CFAP92: variants seen among roughly 807,000 people sequenced by gnomAD.
CFAP92 encodes the protein cilia and flagella associated protein 92 (putative).
A neutral mutation model predicts 106.3 loss-of-function variants in CFAP92; 86 were observed. The observed-to-expected ratio is 0.81, with a 90% CI of 0.68 to 0.97. CFAP92 has a LOEUF of 0.97. Ranked by LOEUF, CFAP92 falls within the 50% of genes least tolerant of loss-of-function variation. The probability of loss-of-function intolerance (pLI) is 0.00; values close to 1 mark genes in which losing one functional copy is unlikely to be tolerated. For synonymous variants in CFAP92, 477 were observed against 506.4 expected, an observed-to-expected ratio of 0.94 and a Z score of 0.78; for missense variants, 1,204 against 1,283.8, an observed-to-expected ratio of 0.94 and a Z score of 0.95.
At chr3:128,911,763 C>T (rs999260744) in intron 15 of CFAP92, among the ~76,000 whole-genome samples, 1 of 152,198 alleles carries the variant, frequency 6.6e-6, no homozygotes, top group African/African-American at 2.4e-5. Flanking sequence ...CTTGAAGCTG[C>T]CCGGGGAAGG....
At chr3:128,961,750 C>G (rs1439719364) in intron 9 of CFAP92, among the ~76,000 whole-genome samples, 5 of 152,236 alleles carry the variant, frequency 3.3e-5, no homozygotes, top group African/African-American at 1.2e-4. Context: ...ATTACCCAAT[C>G]TGCTCCCGAC....
chr3:128,934,076 AAAG>A (rs1200311404), intron 11 of CFAP92, among the ~76,000 whole-genome samples: 1 of 152,182 alleles, frequency 6.6e-6, no homozygotes, highest in African/African-American at 2.4e-5. Context: ...TGCCCTGGGG[AAAG>A]AAGCAGCCCC....
At chr3:129,005,038 C>T (rs1945008454), upstream of CFAP92, among the ~76,000 whole-genome samples, 1 of 152,220 alleles carries the variant, frequency 6.6e-6, no homozygotes, top group South Asian at 2.1e-4. Flanking sequence ...GAGCCTCTCT[C>T]CCTTTCAAAT....
rs988379244 is a variant in CFAP92, at chr3:128,932,583, G to A, written c.2751+117C>T. 1.3e-4 allele frequency: 132 copies of A among 1,032,090 alleles called. No homozygotes were observed. In the African/African-American group the frequency reaches 1.5e-3, roughly 12 times the overall value. 63.9% of individuals were successfully genotyped at this position (1,032,090 alleles called of 1,614,324 possible). ...CAGCAGGGTAGCCCAGGCCAGGAGC[G>A]CAGGCACGACCAGAGGCAAATGTCC... On this transcript the variant is annotated intron_variant, in intron 12 of 15. Transcript: ENST00000645291.
intron 12 of CFAP92, among the ~76,000 whole-genome samples, chr3:128,918,607 A>C (rs1937012330): frequency 6.6e-6 from 1 of 152,236 alleles, no homozygotes; most frequent in Non-Finnish European, 1.5e-5. Flanking sequence ...GGAAAATAAA[A>C]TTTCAGAGCC....
intron 10 of CFAP92, among the ~76,000 whole-genome samples, chr3:128,944,386 G>A (rs1939993438): frequency 6.6e-6 from 1 of 152,144 alleles, no homozygotes; most frequent in African/African-American, 2.4e-5. Context: ...AGGAAGGCAG[G>A]TCTCCCAGAG....
At chr3:128,951,096 G>A (rs1192830630) in intron 9 of CFAP92, among the ~76,000 whole-genome samples, 2 of 152,306 alleles carry the variant, frequency 1.3e-5, no homozygotes, top group South Asian at 2.1e-4. Context: ...ATAGCTGGGT[G>A]TGGTGCCAGG....
At chr3:128,912,747 C>T (rs1936485650) in intron 15 of CFAP92, 1 of 848,588 alleles carries the variant, frequency 1.2e-6, no homozygotes, top group Non-Finnish European at 2.0e-6. Flanking sequence ...AGGGTTGTCG[C>T]CTGGCCTGGG....
chr3:129,002,175 C>T lies in CFAP92; in HGVS notation n.117+399G>A, dbSNP rs753569809. 30 of 1,479,672 alleles carry T rather than the reference C, an allele frequency of 2.0e-5. No homozygotes were observed. The East Asian group carries it at 5.2e-4, about 26-fold the overall frequency. 91.7% of individuals were successfully genotyped at this position (1,479,672 alleles called of 1,614,324 possible). ...CCGCCTGCGCCGTCCGCGCCGCCGCCGCCGCCCGCCCTGCGCGCCTGGCCC... is the reference window on the plus strand; with the variant it reads ...CCGCCTGCGCCGTCCGCGCCGCCGCTGCCGCCCGCCCTGCGCGCCTGGCCC... On this transcript the variant is annotated intron_variant and non_coding_transcript_variant, in intron 1 of 4. Coordinates refer to the CFAP92 transcript ENST00000510149.
chr3:128,965,828 A>C (rs1942323636), intron 8 of CFAP92, 133 bp from the exon 9 acceptor site: 1 of 395,334 alleles, frequency 2.5e-6, no homozygotes, highest in African/African-American at 2.1e-5. Context: ...TAAAAAAAAA[A>C]AAGAAAAGAA....
At chr3:128,935,780 C>T (rs2107711541) in intron 10 of CFAP92, among the ~76,000 whole-genome samples, 1 of 152,236 alleles carries the variant, frequency 6.6e-6, no homozygotes, top group African/African-American at 2.4e-5. Context: ...GATGGCACCA[C>T]TGTACTCTAG....
chr3:129,019,102 T>G, the CFAP92 span, among the ~76,000 whole-genome samples: 3 of 152,250 alleles, frequency 2.0e-5, no homozygotes, highest in African/African-American at 7.2e-5. Context: ...CATAAATGAT[T>G]TGACCAAGTG....
At chr3:128,911,442 C>CT (rs59553192) in intron 15 of CFAP92, among the ~76,000 whole-genome samples, 9 of 151,672 alleles carry the variant, frequency 5.9e-5, no homozygotes, top group African/African-American at 1.5e-4. Context: ...GCTGTATTCT[C>CT]TTTTTTTTGG....
At chr3:128,989,628 T>C (rs962218061) in intron 2 of CFAP92, among the ~76,000 whole-genome samples, 1 of 152,176 alleles carries the variant, frequency 6.6e-6, no homozygotes, top group African/African-American at 2.4e-5. Flanking sequence ...CAGCTTAAAC[T>C]GCACACTCTA....
At chr3:128,988,139 ACACACATGCACACACACGTCTG>A (rs1299265305) in intron 3 of CFAP92, among the ~76,000 whole-genome samples, 73 of 152,308 alleles carry the variant, frequency 4.8e-4, no homozygotes, top group African/African-American at 7.0e-4. Flanking sequence ...TAGTGTGTAC[ACACACATGCACACACACGTCTG>A]CACACATGCA....
At chr3:128,976,941 C>CTAG in intron 6 of CFAP92, 38 bp downstream of exon 6, 1 of 1,519,478 alleles carries the variant, frequency 6.6e-7, no homozygotes, top group Non-Finnish European at 9.1e-7. Context: ...ACAAGAGGGG[C>CTAG]TCCACTCCCA....
chr3:128,910,662 C>CTGA lies in CFAP92; in HGVS notation c.3281-332_3281-330dup, dbSNP rs3830293. The stretch of plus-strand genomic sequence containing the variant: ...ACCCCTGCCATGCTACCCAGTTTGG[C>CTGA]TGATAGGCTGGGTTTTTGAAGCTCA... On this transcript the variant is annotated intron_variant, in intron 15 of 15. Transcript: ENST00000645291. 2.0e-6 allele frequency: 3 copies of CTGA among 1,505,174 alleles called. No homozygotes were observed. In the Admixed American group the frequency reaches 5.0e-5, roughly 25 times the overall value. The allele number at this position is 1,505,174 out of a possible 1,614,324, so 93.2% of individuals were successfully genotyped here.
chr3:128,941,152 T>A (rs1423842327), intron 10 of CFAP92, among the ~76,000 whole-genome samples: 1 of 152,204 alleles, frequency 6.6e-6, no homozygotes, highest in African/African-American at 2.4e-5. Flanking sequence ...TTTAGTCCTA[T>A]GAATTTCATA....
At chr3:128,918,648 G>T (rs1001542674) in intron 12 of CFAP92, among the ~76,000 whole-genome samples, 2 of 152,194 alleles carry the variant, frequency 1.3e-5, no homozygotes, top group East Asian at 3.8e-4. Flanking sequence ...CTATAAAAGG[G>T]ATGGTGGAGT....
Sources: gnomAD v4.1 joint callset for allele counts (sites outside exome capture counted in the v4.1 genomes callset) on GRCh38, gnomAD v4.1.1 for gene constraint, MANE v1.5 for transcripts, NCBI Gene and HGNC (gene_info 2026-07-23, HGNC 2026-07-21) for gene names.